Variants in ZBTB40 observed in about 807,000 individuals in gnomAD.
ZBTB40 encodes zinc finger and BTB domain-containing protein 40.
A neutral mutation model predicts 117.5 loss-of-function variants in ZBTB40; 60 were observed. That is an observed-to-expected ratio of 0.51 (90% CI 0.41 to 0.63). The LOEUF is 0.63. ZBTB40 is among the 30% of genes least tolerant of loss of function. The pLI, the probability that ZBTB40 is intolerant of heterozygous loss-of-function variation, is 0.00. For synonymous variants in ZBTB40, 525 were observed against 577.1 expected, an observed-to-expected ratio of 0.91 and a Z score of 1.29; for missense variants, 1,287 against 1,498.5, an observed-to-expected ratio of 0.86 and a Z score of 2.33.
intron 1 of ZBTB40, among the ~76,000 whole-genome samples, chr1:22,483,580 T>C (rs1638385294): frequency 6.6e-6 from 1 of 152,260 alleles, no homozygotes; most frequent in African/African-American, 2.4e-5. Flanking sequence ...GTCATCTGCA[T>C]ATCTTCTTTG....
intron 11 of ZBTB40, 76 bp downstream of exon 11, chr1:22,512,210 G>A (rs1368806310): frequency 6.6e-7 from 1 of 1,504,452 alleles, no homozygotes; most frequent in Non-Finnish European, 9.2e-7. Flanking sequence ...CTTTCCCTTA[G>A]TTGTGTGCAG....
At chr1:22,438,562 G>C (rs1333816368) in intron 1 of ZBTB40, among the ~76,000 whole-genome samples, 1 of 152,146 alleles carries the variant, frequency 6.6e-6, no homozygotes, top group Non-Finnish European at 1.5e-5. Flanking sequence ...GGATCATATG[G>C]TAATCCTATT....
rs1490897728 is a variant in ZBTB40 at position 22,509,121 on chromosome 1, C to G, written c.1721C>G (p.Thr574Ser). 1 of 1,614,056 alleles carries G rather than the reference C, an allele frequency of 6.2e-7. No homozygotes were observed. The highest frequency in any genetic ancestry group is 1.1e-5 in the South Asian group (1 of 91,062). Reference sequence around the variant, plus strand: ...TCAGTGACCACCCCAGAACATGCCACTTTAGAAACAATCCTGAGGCATAAC... The same window carrying G: ...TCAGTGACCACCCCAGAACATGCCAGTTTAGAAACAATCCTGAGGCATAAC... ...FRAVTTPEHA[T>S]LETILRHNQL... Residue 574 changes from threonine to serine, a missense_variant, in exon 9 of 18, where the codon ACT (threonine) becomes AGT (serine). Around this residue, in one of 2 missense-constraint regions of ZBTB40, gnomAD observed 870 missense variants for 934.4 expected, o/e 0.93. Transcript: ENST00000375647.
intron 5 of ZBTB40, among the ~76,000 whole-genome samples, chr1:22,505,651 A>C (rs1245864502): frequency 2.6e-5 from 4 of 152,216 alleles, no homozygotes; most frequent in African/African-American, 9.6e-5. Flanking sequence ...AAGACCAAAA[A>C]AATTAAACTA....
At chr1:22,516,616 A>G (rs1194295906) in intron 12 of ZBTB40, among the ~76,000 whole-genome samples, 1 of 152,114 alleles carries the variant, frequency 6.6e-6, no homozygotes, top group East Asian at 1.9e-4. Flanking sequence ...TGCTTGTCCT[A>G]GTTGTGGTAG....
intron 4 of ZBTB40, among the ~76,000 whole-genome samples, 200 bp from the exon 5 acceptor site, chr1:22,502,099 A>G (rs1207547371): frequency 1.3e-5 from 2 of 152,254 alleles, no homozygotes; most frequent in African/African-American, 4.8e-5. Flanking sequence ...TTCGACAGAT[A>G]AATGAAACAT....
At chr1:22,526,126 T>G in intron 17 of ZBTB40, 76 bp from the exon 18 acceptor site, 1,135 of 1,497,562 alleles carry the variant, frequency 7.6e-4, no homozygotes, top group Non-Finnish European at 9.6e-4. Context: ...CATTACAGCA[T>G]GAGATGAAAA....
intron 1 of ZBTB40, among the ~76,000 whole-genome samples, chr1:22,465,354 T>C (rs1227695728): frequency 6.6e-6 from 1 of 152,124 alleles, no homozygotes; most frequent in Non-Finnish European, 1.5e-5. Flanking sequence ...AGTCATCCCA[T>C]GTCTACTCAG....
intron 16 of ZBTB40, 57 bp from the exon 17 acceptor site, chr1:22,524,161 C>T (rs1639612676): frequency 1.3e-6 from 2 of 1,534,914 alleles, no homozygotes; most frequent in Middle Eastern, 1.7e-4. Flanking sequence ...TCATTTCTCT[C>T]ATTTTACCCA....
At chr1:22,474,850 G>T (rs574650447) in intron 1 of ZBTB40, among the ~76,000 whole-genome samples, 1 of 151,916 alleles carries the variant, frequency 6.6e-6, no homozygotes, top group South Asian at 2.1e-4. Flanking sequence ...GGCTCTCCAA[G>T]GTCCCTTTCA....
intron 1 of ZBTB40, among the ~76,000 whole-genome samples, chr1:22,454,676 G>A (rs1640964210): frequency 6.6e-6 from 1 of 152,244 alleles, no homozygotes; most frequent in Non-Finnish European, 1.5e-5. Context: ...TCACTCCTGT[G>A]CTCAGTCCCT....
At chr1:22,504,325 A>G (rs1349418912) in intron 5 of ZBTB40, among the ~76,000 whole-genome samples, 2 of 152,214 alleles carry the variant, frequency 1.3e-5, no homozygotes, top group East Asian at 1.9e-4. Flanking sequence ...TTACATGAGG[A>G]CTGGAAACAG....
chr1:22,488,455 C>T (rs1460149376), intron 1 of ZBTB40, among the ~76,000 whole-genome samples: 6 of 152,300 alleles, frequency 3.9e-5, no homozygotes, highest in African/African-American at 1.4e-4. Flanking sequence ...GCTAACATGG[C>T]CTCTGAGCAA....
chr1:22,521,151 G>T (rs548976678), intron 14 of ZBTB40, among the ~76,000 whole-genome samples: 10 of 152,220 alleles, frequency 6.6e-5, no homozygotes, highest in Non-Finnish European at 1.2e-4. Context: ...TCCTGGTCCT[G>T]CTATCTCCTG....
upstream of ZBTB40, among the ~76,000 whole-genome samples, chr1:22,447,193 C>T (rs1480503046): frequency 6.6e-6 from 1 of 151,650 alleles, no homozygotes; most frequent in Non-Finnish European, 1.5e-5. Context: ...TTAATGAGTA[C>T]ATTTTTATAT....
chr1:22,510,410 G>T (rs755920809), intron 9 of ZBTB40, among the ~76,000 whole-genome samples: 3 of 152,200 alleles, frequency 2.0e-5, no homozygotes, highest in Non-Finnish European at 4.4e-5. Flanking sequence ...TTCTGCAGTT[G>T]ATCAGTTTTA....
intron 13 of ZBTB40, 100 bp downstream of exon 13, chr1:22,517,564 A>C: frequency 2.2e-6 from 3 of 1,390,912 alleles, no homozygotes; most frequent in African/African-American, 1.4e-5. Flanking sequence ...CCCAAGCTCC[A>C]TTCAGTGCAT....
Position 22,513,138 on chromosome 1 carries a change from G to A in ZBTB40, c.2668+8G>A, listed in dbSNP as rs114030053. 1.1e-3 allele frequency: 1,694 copies of A among 1,612,732 alleles called. 13 individuals carry two copies. The African/African-American group carries it at 0.018, about 17-fold the overall frequency. On this transcript the variant is annotated splice_region_variant and intron_variant, in intron 12 of 17. Transcript: ENST00000375647. This position sits in a 1 kb window ranked among gnomAD's most constrained non-coding sequence, Gnocchi z 4.9. The stretch of plus-strand genomic sequence containing the variant: ...AGAAGAAGCACTCAGAAGGTAAGGC[G>A]GGGCACAGTTCATTTCTCCTGCAGA...
chr1:22,496,415 C>G (rs1638775815), intron 3 of ZBTB40, among the ~76,000 whole-genome samples: 1 of 152,182 alleles, frequency 6.6e-6, no homozygotes, highest in Non-Finnish European at 1.5e-5. Flanking sequence ...TATAAAACAA[C>G]TAAGTTAGGG....
Sources: gnomAD v4.1 joint callset for allele counts (sites outside exome capture counted in the v4.1 genomes callset) on GRCh38, gnomAD v4.1.1 for gene constraint, gnomAD v4.1.1 regional missense constraint, Gnocchi (gnomAD v3.1) non-coding constraint, MANE v1.5 for transcripts, NCBI Gene and HGNC (gene_info 2026-07-23, HGNC 2026-07-21) for gene names.